The following RBFOX1 variants were observed in gnomAD, a reference collection of about 807,000 sequenced individuals.
RBFOX1 encodes RNA binding protein fox-1 homolog 1.
In RBFOX1, 8 loss-of-function variants were observed where a neutral mutation model predicts 57.7. The ratio of observed to expected loss-of-function variants is 0.14; its 90% CI spans 0.08 to 0.25. The LOEUF is 0.25. Ranked by LOEUF, RBFOX1 falls within the 10% of genes least tolerant of loss-of-function variation. The probability of loss-of-function intolerance (pLI) is 1.00; values close to 1 mark genes in which losing one functional copy is unlikely to be tolerated. For missense variants in RBFOX1, 611 were observed against 548.5 expected, an observed-to-expected ratio of 1.11 and a Z score of -1.14; for synonymous variants, 326 against 222.4, an observed-to-expected ratio of 1.47 and a Z score of -4.15.
At chr16:6,663,560 T>G (rs546063957) in intron 3 of RBFOX1, among the ~76,000 whole-genome samples, 2 of 152,252 alleles carry the variant, frequency 1.3e-5, no homozygotes, top group African/African-American at 4.8e-5. Context: ...ATGAAGGAGT[T>G]TCCCTTCAAA....
intron 3 of RBFOX1, among the ~76,000 whole-genome samples, chr16:6,983,044 C>G (rs1034280681): frequency 6.8e-6 from 1 of 146,234 alleles, no homozygotes; most frequent in African/African-American, 2.5e-5. Context: ...GAGGCTCGAG[C>G]ATTTTGGTAA....
At chr16:6,960,886 C>A (rs2082825549) in intron 3 of RBFOX1, among the ~76,000 whole-genome samples, 1 of 150,598 alleles carries the variant, frequency 6.6e-6, no homozygotes, top group East Asian at 2.0e-4. Context: ...GTAATCCCAG[C>A]ACTTTGGAAG....
intron 5 of RBFOX1, among the ~76,000 whole-genome samples, chr16:7,571,708 C>A (rs143452752): frequency 0.011 from 1,607 of 152,272 alleles, 15 homozygotes; most frequent in South Asian, 0.052. Context: ...ATCAGGGAAG[C>A]TCTGCCAAGT....
chr16:7,600,373 G>A (rs531862440), intron 9 of RBFOX1, among the ~76,000 whole-genome samples: 2 of 152,184 alleles, frequency 1.3e-5, no homozygotes, highest in African/African-American at 4.8e-5. Context: ...AGTTCTCCAA[G>A]CTATCCCAAG....
intron 3 of RBFOX1, among the ~76,000 whole-genome samples, chr16:7,011,926 C>T (rs764730417): frequency 1.3e-5 from 2 of 152,206 alleles, no homozygotes; most frequent in Non-Finnish European, 2.9e-5. Context: ...ATCTTCTGCA[C>T]ATTTCTCTCT....
At chr16:6,640,830 T>C (rs7188520) in intron 2 of RBFOX1, among the ~76,000 whole-genome samples, 6 of 152,074 alleles carry the variant, frequency 3.9e-5, no homozygotes, top group African/African-American at 1.4e-4. Context: ...GACTAGTCCC[T>C]GTCATGTTCT....
At chr16:6,715,974 G>C (rs2064740000) in intron 3 of RBFOX1, among the ~76,000 whole-genome samples, 1 of 151,542 alleles carries the variant, frequency 6.6e-6, no homozygotes, top group Admixed American at 6.6e-5. Context: ...AATTGACCAG[G>C]TGTGCAGTGC....
intron 4 of RBFOX1, among the ~76,000 whole-genome samples, chr16:7,293,068 A>T (rs1218426946): frequency 6.6e-6 from 1 of 152,204 alleles, no homozygotes; most frequent in Non-Finnish European, 1.5e-5. Flanking sequence ...GCACTAGAAT[A>T]GCCAAATGTC....
intron 2 of RBFOX1, among the ~76,000 whole-genome samples, chr16:6,391,493 GAACA>G (rs1366855679): frequency 7.4e-6 from 1 of 134,806 alleles, no homozygotes; most frequent in Non-Finnish European, 1.6e-5. Context: ...CTGGGCAACA[GAACA>G]AGACTCCGTC....
chr16:7,398,274 T>C (rs1195018773), intron 4 of RBFOX1, among the ~76,000 whole-genome samples: 2 of 152,150 alleles, frequency 1.3e-5, no homozygotes, highest in Non-Finnish European at 1.5e-5. Flanking sequence ...TATGTTTTTC[T>C]TTCCCTCTGG....
chr16:7,104,216 A>G (rs1403735563), intron 4 of RBFOX1, among the ~76,000 whole-genome samples: 1 of 152,124 alleles, frequency 6.6e-6, no homozygotes, highest in Admixed American at 6.6e-5. Context: ...GTCTGGAACT[A>G]CTGAAAACTG....
At chr16:6,074,281 C>G (rs538288605) in intron 1 of RBFOX1, among the ~76,000 whole-genome samples, 1 of 152,260 alleles carries the variant, frequency 6.6e-6, no homozygotes, top group African/African-American at 2.4e-5. Context: ...CTCTCTGTTT[C>G]TTGCACAGCT....
intron 3 of RBFOX1, among the ~76,000 whole-genome samples, chr16:5,625,400 C>T (rs2048319046): frequency 6.6e-6 from 1 of 152,062 alleles, no homozygotes; most frequent in Non-Finnish European, 1.5e-5. Context: ...AGGTCAAGAA[C>T]GTGGCCATGG....
intron 14 of RBFOX1, among the ~76,000 whole-genome samples, chr16:7,705,451 G>T (rs1041676144): frequency 2.6e-5 from 4 of 152,168 alleles, no homozygotes; most frequent in Admixed American, 6.5e-5. Flanking sequence ...CTTGCAGTGA[G>T]CCAAGATTGT....
chr16:7,421,391 C>T (rs2098541312), intron 4 of RBFOX1, among the ~76,000 whole-genome samples: 1 of 152,058 alleles, frequency 6.6e-6, no homozygotes, highest in Admixed American at 6.6e-5. Context: ...GACACTTTTC[C>T]ATCTAGGACT....
intron 3 of RBFOX1, among the ~76,000 whole-genome samples, chr16:6,982,696 G>C (rs1310111370): frequency 3.3e-5 from 5 of 152,086 alleles, no homozygotes; most frequent in Non-Finnish European, 7.4e-5. Flanking sequence ...ATCTCATTTT[G>C]AAAGATGTGG....
At chr16:7,207,567 T>C (rs541189295) in intron 4 of RBFOX1, among the ~76,000 whole-genome samples, 1 of 152,282 alleles carries the variant, frequency 6.6e-6, no homozygotes, top group East Asian at 1.9e-4. Context: ...TAACGACTGA[T>C]CTTGCCACAA....
intron 2 of RBFOX1, among the ~76,000 whole-genome samples, chr16:6,514,851 C>G (rs535296820): frequency 2.7e-5 from 4 of 150,174 alleles, no homozygotes; most frequent in African/African-American, 9.8e-5. Flanking sequence ...CATGGAGTTT[C>G]CAATAATAAT....
At chr16:6,227,224 C>G (rs1418256410) in intron 1 of RBFOX1, among the ~76,000 whole-genome samples, 1 of 152,112 alleles carries the variant, frequency 6.6e-6, no homozygotes, top group African/African-American at 2.4e-5. Flanking sequence ...TGAGCATGAA[C>G]CAGAATTCCC....
Sources: gnomAD v4.1 joint callset for allele counts (sites outside exome capture counted in the v4.1 genomes callset) on GRCh38, gnomAD v4.1.1 for gene constraint, MANE v1.5 for transcripts, NCBI Gene and HGNC (gene_info 2026-07-23, HGNC 2026-07-21) for gene names.